The following EDAR variants were observed in gnomAD, a reference collection of about 807,000 sequenced individuals.
The protein encoded by EDAR is ectodysplasin A receptor.
In EDAR, 38 loss-of-function variants were observed where a neutral mutation model predicts 51.3. The observed-to-expected ratio is 0.74, with a 90% confidence interval of 0.57 to 0.97. The LOEUF is 0.97. EDAR is among the 50% of genes least tolerant of loss of function. The pLI is 0.00. For missense variants in EDAR, 528 were observed against 595.0 expected (o/e 0.89, Z 1.17); for synonymous variants, 227 against 242.1 (o/e 0.94, Z 0.58).
rs772859110 is a variant in EDAR, at chr2:108,907,942, T to C, written c.881A>G (p.Lys294Arg). The C allele has an allele frequency of 6.2e-7, 1 of 1,613,562 alleles. No homozygotes were observed. Among genetic ancestry groups the C allele is most frequent in the Non-Finnish European group, 8.5e-7 (1 of 1,180,020 alleles). ...CAGGCACAGCTCCGGGGAGCCCTGC[T>C]TGTCAGGGGCGGGCTCCTCATCACT... ...VDSDEEPAPDKQGSPELCLLS... is the reference protein window; with the variant it reads ...VDSDEEPAPDRQGSPELCLLS... Residue 294 changes from lysine to arginine, a missense_variant, in exon 10 of 12, where the codon AAG (lysine) becomes AGG (arginine). Physicochemically the swap from Lys to Arg is conservative, Grantham distance 26 (BLOSUM62 2). Transcript: ENST00000258443.
chr2:108,895,071 A>C lies in EDAR; in HGVS notation c.*1836T>G, dbSNP rs574502076. Reference sequence around the variant, plus strand: ...GGGCACCACAGGATTTCAAAGAGGAATTAAAAGGATAATTAAGCTCTGCCG... The same window carrying C: ...GGGCACCACAGGATTTCAAAGAGGACTTAAAAGGATAATTAAGCTCTGCCG... On this transcript the variant is annotated 3_prime_UTR_variant, in exon 12 of 12. Coordinates refer to ENST00000258443, the MANE Select transcript of EDAR (RefSeq NM_022336.4). 6.5e-6 allele frequency: 1 copy of C among 152,846 alleles called. No individual in the cohort carries two copies. The highest frequency in any genetic ancestry group is 2.4e-5 in the African/African-American group (1 of 41,576). 9.5% of individuals were successfully genotyped at this position (152,846 alleles called of 1,614,324 possible). A position where few individuals can be genotyped will look rare whatever the true frequency, so the allele number is the denominator to read the frequency against.
At chr2:108,978,465 CA>C (rs1478437037) in intron 1 of EDAR, among the ~76,000 whole-genome samples, 3 of 152,170 alleles carry the variant, frequency 2.0e-5, no homozygotes, top group Non-Finnish European at 4.4e-5. Context: ...TTAGACGCCT[CA>C]AGAGTTTTGC....
At chr2:108,929,417 C>T (rs778370695) in intron 3 of EDAR, 38 bp from the exon 4 acceptor site, 2 of 1,607,140 alleles carry the variant, frequency 1.2e-6, no homozygotes, top group East Asian at 2.2e-5. Context: ...CAGGTGAGTG[C>T]AGCAGCCAAA....
rs536866379 is a variant in EDAR, at chr2:108,901,086, C to T, written c.1025-3857G>A. ...CTCCATTCAACAACAGCAGAATACA[C>T]ATTGTTCATAATTATTGGCCTTAAA... On this transcript the variant is annotated intron_variant, in intron 11 of 11. Transcript: ENST00000258443. 2.6e-5 allele frequency among the ~76,000 whole-genome samples: 4 copies of T among 152,278 alleles called. No individual in the cohort carries two copies. In the South Asian group the frequency reaches 8.3e-4, roughly 32 times the overall value.
rs1364561102 is a variant in EDAR, at chr2:108,973,848, TAAC to T, written c.-19+15109_-19+15111del. Among the ~76,000 whole-genome samples, 3 of 152,280 alleles carry T rather than the reference TAAC, an allele frequency of 2.0e-5. No homozygotes were observed. The East Asian group carries it at 5.8e-4, about 29-fold the overall frequency. On this transcript the variant is annotated intron_variant, in intron 1 of 11. Coordinates refer to ENST00000258443, the MANE Select transcript of EDAR (RefSeq NM_022336.4). ...CCACAGACTTTTGGTTTTATGTAAA[TAAC>T]AACATTTCTTGGGATTCAAGATGAG...
At chr2:108,986,386 G>C (rs1487921436) in intron 1 of EDAR, among the ~76,000 whole-genome samples, 3 of 152,156 alleles carry the variant, frequency 2.0e-5, no homozygotes, top group African/African-American at 7.2e-5. Flanking sequence ...ACAGGAGGGG[G>C]AGTGTTTGCT....
intron 1 of EDAR, among the ~76,000 whole-genome samples, chr2:108,987,931 G>T (rs969324840): frequency 2.6e-5 from 4 of 152,192 alleles, no homozygotes; most frequent in Non-Finnish European, 5.9e-5. Context: ...TTAGATGCCT[G>T]GATCCCTTTT....
At chr2:108,964,603 G>A (rs1011965457) in intron 1 of EDAR, among the ~76,000 whole-genome samples, 1 of 152,232 alleles carries the variant, frequency 6.6e-6, no homozygotes, top group Non-Finnish European at 1.5e-5. Flanking sequence ...AAGGGCAGCT[G>A]TTTAAAGAAC....
At chr2:108,975,329 G>C (rs1269864894) in intron 1 of EDAR, among the ~76,000 whole-genome samples, 1 of 152,214 alleles carries the variant, frequency 6.6e-6, no homozygotes, top group African/African-American at 2.4e-5. Flanking sequence ...TCTTCTATGG[G>C]TCAAATCCAG....
chr2:108,983,443 T>G (rs1698447526), intron 1 of EDAR, among the ~76,000 whole-genome samples: 1 of 152,166 alleles, frequency 6.6e-6, no homozygotes, highest in Admixed American at 6.5e-5. Flanking sequence ...CACATCTAAC[T>G]GGGTAAATAA....
intron 1 of EDAR, among the ~76,000 whole-genome samples, chr2:108,945,385 G>A (rs1697696244): frequency 6.6e-6 from 1 of 152,082 alleles, no homozygotes; most frequent in African/African-American, 2.4e-5. Flanking sequence ...GCAACGCCAA[G>A]GCATTTGGAA....
intron 1 of EDAR, among the ~76,000 whole-genome samples, chr2:108,977,354 C>T (rs1282183432): frequency 3.3e-5 from 5 of 152,268 alleles, no homozygotes; most frequent in South Asian, 4.1e-4. Context: ...CTGCAAGCTG[C>T]GCCTCCCGGG....
At chr2:108,982,594 C>A (rs1698437497) in intron 1 of EDAR, among the ~76,000 whole-genome samples, 1 of 152,230 alleles carries the variant, frequency 6.6e-6, no homozygotes, top group South Asian at 2.1e-4. Context: ...TTCTCCAGCG[C>A]CATTTCCCTC....
intron 1 of EDAR, among the ~76,000 whole-genome samples, chr2:108,956,401 G>C (rs1427262679): frequency 2.0e-5 from 3 of 152,202 alleles, no homozygotes; most frequent in Non-Finnish European, 2.9e-5. Flanking sequence ...ACTCCATTTG[G>C]TTTAGAATAC....
chr2:108,967,286 T>C (rs887632179), intron 1 of EDAR, among the ~76,000 whole-genome samples: 7 of 152,156 alleles, frequency 4.6e-5, no homozygotes, highest in Admixed American at 3.9e-4. Context: ...CAGGTTCATA[T>C]TTCACAGGGA....
chr2:108,907,656 A>C (rs993651494), intron 10 of EDAR, among the ~76,000 whole-genome samples: 56 of 152,242 alleles, frequency 3.7e-4, no homozygotes, highest in Non-Finnish European at 7.5e-4. Context: ...CTCCAAAAAA[A>C]AAAAACAAAA....
chr2:108,987,352 G>A lies in EDAR; in HGVS notation c.-19+1608C>T, dbSNP rs1220286345. Among the ~76,000 whole-genome samples, 8 of 152,184 alleles carry A rather than the reference G, an allele frequency of 5.3e-5. No individual in the cohort carries two copies. The South Asian group carries it at 6.2e-4, about 12-fold the overall frequency. On this transcript the variant is annotated intron_variant, in intron 1 of 11. Coordinates refer to ENST00000258443, the MANE Select transcript of EDAR (RefSeq NM_022336.4). ...TTTAACAGAGGCAAGTAGGTTTTGC[G>A]CTCCGTGAGATGGGGTAAGACCAGG...
At chr2:108,903,975 TA>T (rs1403055263) in intron 11 of EDAR, among the ~76,000 whole-genome samples, 2 of 152,148 alleles carry the variant, frequency 1.3e-5, no homozygotes, top group African/African-American at 4.8e-5. Flanking sequence ...CATAAAAATT[TA>T]AAACATCATT....
Position 108,929,346 on chromosome 2 carries a change from C to CA in EDAR, c.207_208insT (p.Gly70TrpfsTer25). Reference sequence around the variant, plus strand: ...TTCTCCGCCGGGCAGGGGACGCAGCCGTAGTCCTCGTCTTTGGTGCCGTAG... The same window carrying CA: ...TTCTCCGCCGGGCAGGGGACGCAGCCAGTAGTCCTCGTCTTTGGTGCCGTAG... On this transcript the variant is annotated frameshift_variant, in exon 4 of 12. Coordinates refer to ENST00000258443, the MANE Select transcript of EDAR (RefSeq NM_022336.4). LOFTEE classifies it high-confidence loss of function. 6.2e-7 allele frequency: 1 copy of CA among 1,614,112 alleles called. No individual in the cohort carries two copies. The highest frequency in any genetic ancestry group is 1.1e-5 in the South Asian group (1 of 91,080).
Sources: allele counts gnomAD v4.1 joint callset (sites outside exome capture counted in the v4.1 genomes callset), GRCh38; gene constraint gnomAD v4.1.1; transcripts MANE v1.5; gene names NCBI Gene and HGNC (gene_info 2026-07-23, HGNC 2026-07-21).